The following MYL11 variants were observed in gnomAD, a reference collection of about 807,000 sequenced individuals.
The protein encoded by MYL11 is myosin light chain 11, also known as myosin regulatory light chain 11.
the MYL11 span, chr16:30,376,059 G>A: frequency 6.5e-7 from 1 of 1,529,226 alleles, no homozygotes; most frequent in African/African-American, 1.4e-5. Context: ...ACAGTTGGCT[G>A]AGAGCCAGCA....
the MYL11 span, among the ~76,000 whole-genome samples, chr16:30,377,031 G>A: frequency 1.3e-5 from 2 of 152,072 alleles, no homozygotes; most frequent in Non-Finnish European, 2.9e-5. Flanking sequence ...TGGCCAACAC[G>A]GTGAAACCCC....
the MYL11 span, chr16:30,373,021 G>A: frequency 6.6e-6 from 1 of 152,236 alleles, no homozygotes; most frequent in Non-Finnish European, 1.5e-5. Context: ...GCTCTGGTAT[G>A]TCAGTTTCTG....
the MYL11 span, chr16:30,377,913 G>C: frequency 6.3e-7 from 1 of 1,595,564 alleles, no homozygotes; most frequent in South Asian, 1.1e-5. Flanking sequence ...GCACCCGCGG[G>C]CCTCCGCTGC....
chr16:30,376,430 C>G, the MYL11 span: 2 of 1,613,370 alleles, frequency 1.2e-6, no homozygotes, highest in South Asian at 1.1e-5. Flanking sequence ...CAGGCCGCCT[C>G]AATGTGAAGA....
At chr16:30,375,405 C>T in the MYL11 span, among the ~76,000 whole-genome samples, 11 of 147,998 alleles carry the variant, frequency 7.4e-5, no homozygotes, top group African/African-American at 2.5e-4. Flanking sequence ...GCAGAGGTTG[C>T]GGTAAGCCGA....
At chr16:30,375,464 C>CA in the MYL11 span, among the ~76,000 whole-genome samples, 13,703 of 74,190 alleles carry the variant, frequency 0.18, 2,181 homozygotes, top group African/African-American at 0.46. Context: ...GACTCTGTCT[C>CA]AAAAAAAAAA....
chr16:30,375,637 G>C, the MYL11 span, among the ~76,000 whole-genome samples: 2 of 152,086 alleles, frequency 1.3e-5, no homozygotes, highest in Admixed American at 1.3e-4. Context: ...AGCCACAGAC[G>C]GGAATTTGGG....
At chr16:30,376,193 G>A in the MYL11 span, 3 of 1,614,040 alleles carry the variant, frequency 1.9e-6, no homozygotes, top group South Asian at 1.1e-5. Context: ...AGACAAGGAG[G>A]ACCTTCGGGA....
chr16:30,375,842 G>A, the MYL11 span: 1 of 1,614,104 alleles, frequency 6.2e-7, no homozygotes, highest in Non-Finnish European at 8.5e-7. Context: ...GCCAAGAGAA[G>A]GACAGTAGAG....
chr16:30,377,544 G>C, the MYL11 span: 1 of 1,189,134 alleles, frequency 8.4e-7, no homozygotes, highest in Admixed American at 3.1e-5. Flanking sequence ...AGGAAGTAGA[G>C]TGACCTGGGT....
chr16:30,376,295 C>T, the MYL11 span: 3 of 1,565,696 alleles, frequency 1.9e-6, no homozygotes, highest in Non-Finnish European at 2.6e-6. Context: ...GGGTTCCAGC[C>T]CTGTCAGCTC....
the MYL11 span, among the ~76,000 whole-genome samples, chr16:30,372,710 A>G: frequency 6.7e-6 from 1 of 148,154 alleles, no homozygotes; most frequent in African/African-American, 2.5e-5. Flanking sequence ...ACCAGTACCC[A>G]GAGAAAATAT....
chr16:30,371,030 G>C, the MYL11 span: 1 of 152,264 alleles, frequency 6.6e-6, no homozygotes. Flanking sequence ...CAGCTGGGAG[G>C]AGGCGGGGCA....
the MYL11 span, chr16:30,376,287 G>T: frequency 6.3e-7 from 1 of 1,581,320 alleles, no homozygotes; most frequent in Non-Finnish European, 8.6e-7. Context: ...GTGGCCTTGG[G>T]TTCCAGCCCT....
At chr16:30,375,615 T>G in the MYL11 span, among the ~76,000 whole-genome samples, 1 of 151,948 alleles carries the variant, frequency 6.6e-6, no homozygotes, top group Non-Finnish European at 1.5e-5. Flanking sequence ...GATGGAGAGT[T>G]GGAGACCCAG....
At chr16:30,372,798 G>A in the MYL11 span, 1 of 150,584 alleles carries the variant, frequency 6.6e-6, no homozygotes, top group African/African-American at 2.5e-5. Flanking sequence ...TCCTGTGCCT[G>A]GCAAAGGCCC....
the MYL11 span, chr16:30,376,798 G>A: frequency 8.2e-7 from 1 of 1,214,516 alleles, no homozygotes; most frequent in Non-Finnish European, 1.2e-6. Context: ...TGGGCCCTGT[G>A]GCTCAGGCCT....
the MYL11 span, among the ~76,000 whole-genome samples, chr16:30,374,334 CA>C: frequency 6.6e-6 from 1 of 151,152 alleles, no homozygotes; most frequent in African/African-American, 2.4e-5. Context: ...AAAAGGGAGA[CA>C]GGGGTCTCAC....
chr16:30,377,601 T>G, the MYL11 span: 7 of 1,395,886 alleles, frequency 5.0e-6, no homozygotes, highest in East Asian at 2.5e-5. Flanking sequence ...TGCGAGGGAG[T>G]GGAAAGGAAC....
Sources: gnomAD v4.1 joint callset for allele counts (sites outside exome capture counted in the v4.1 genomes callset) on GRCh38, gnomAD v4.1.1 for gene constraint, MANE v1.5 for transcripts, NCBI Gene and HGNC (gene_info 2026-07-23, HGNC 2026-07-21) for gene names.